Variants in ATP6V1C2 observed in about 807,000 individuals in gnomAD.
ATP6V1C2 encodes the protein ATPase H+ transporting V1 subunit C2, also known as V-type proton ATPase subunit C 2.
Under a neutral mutation model 56.8 loss-of-function variants are expected in ATP6V1C2, and 45 were observed. The ratio of observed to expected loss-of-function variants is 0.79; its 90% CI spans 0.62 to 1.02. The LOEUF (loss-of-function observed/expected upper bound fraction) is 1.02. Ranked by LOEUF, ATP6V1C2 falls within the 50% of genes least tolerant of loss-of-function variation. The pLI, the probability that ATP6V1C2 is intolerant of heterozygous loss-of-function variation, is 0.00. For missense variants in ATP6V1C2, 463 were observed against 519.7 expected (o/e 0.89, Z 1.06); for synonymous variants, 220 against 201.3 (o/e 1.09, Z -0.79).
chr2:10,759,313 G>A (rs746437782), intron 4 of ATP6V1C2, among the ~76,000 whole-genome samples: 6 of 152,232 alleles, frequency 3.9e-5, no homozygotes, highest in Non-Finnish European at 7.3e-5. Flanking sequence ...TGCAGCCACA[G>A]CTGGCAAACA....
chr2:10,760,172 A>G (rs1483470857), intron 4 of ATP6V1C2, among the ~76,000 whole-genome samples: 1 of 151,982 alleles, frequency 6.6e-6, no homozygotes, highest in Non-Finnish European at 1.5e-5. Flanking sequence ...CAGGAGTTCG[A>G]GACCAGCCTG....
chr2:10,724,465 C>T (rs2148401996), intron 2 of ATP6V1C2, among the ~76,000 whole-genome samples: 1 of 152,164 alleles, frequency 6.6e-6, no homozygotes, highest in East Asian at 1.9e-4. Flanking sequence ...TTAAGCCTGC[C>T]TCTGCTTGTC....
intron 3 of ATP6V1C2, among the ~76,000 whole-genome samples, chr2:10,738,940 C>A (rs189511366): frequency 6.6e-6 from 1 of 152,324 alleles, no homozygotes; most frequent in African/African-American, 2.4e-5. Context: ...GCACGTCCAT[C>A]GAAGCCACCT....
At chr2:10,762,797 G>A (rs1406545392) in intron 4 of ATP6V1C2, among the ~76,000 whole-genome samples, 5 of 151,970 alleles carry the variant, frequency 3.3e-5, no homozygotes, top group East Asian at 3.9e-4. Flanking sequence ...CCAGGCCTGC[G>A]TCATTGCCTT....
At chr2:10,734,023 G>A (rs569576148) in intron 3 of ATP6V1C2, among the ~76,000 whole-genome samples, 3 of 152,298 alleles carry the variant, frequency 2.0e-5, no homozygotes, top group Admixed American at 2.0e-4. Context: ...ATTGTAAAAA[G>A]CATATAGGCT....
chr2:10,760,252 C>T (rs1029860098), intron 4 of ATP6V1C2, among the ~76,000 whole-genome samples: 1 of 151,800 alleles, frequency 6.6e-6, no homozygotes, highest in African/African-American at 2.4e-5. Context: ...TGCCTGTAAT[C>T]CCAGCTACTT....
intron 10 of ATP6V1C2, 125 bp downstream of exon 10, chr2:10,775,196 GGGGACCGTCTGTTCTCAT>G: frequency 1.3e-6 from 1 of 752,686 alleles, no homozygotes; most frequent in Non-Finnish European, 2.3e-6. Flanking sequence ...CTCACACCAT[GGGGACCGTCTGTTCTCAT>G]GGGACGCCTG....
intron 4 of ATP6V1C2, among the ~76,000 whole-genome samples, chr2:10,760,748 G>A (rs1439993255): frequency 6.6e-6 from 1 of 152,212 alleles, no homozygotes; most frequent in Non-Finnish European, 1.5e-5. Context: ...GCAGGAAGTG[G>A]GTTCAGTCTT....
At chr2:10,776,664 C>A (rs964963398) in intron 10 of ATP6V1C2, among the ~76,000 whole-genome samples, 3 of 152,236 alleles carry the variant, frequency 2.0e-5, no homozygotes, top group Admixed American at 2.0e-4. Flanking sequence ...CTGGACGGGG[C>A]TAGACCGTGG....
intron 4 of ATP6V1C2, among the ~76,000 whole-genome samples, chr2:10,755,043 G>T (rs181258485): frequency 6.6e-6 from 1 of 151,778 alleles, no homozygotes; most frequent in Admixed American, 6.6e-5. Flanking sequence ...TTGAGACGGA[G>T]TTTTTCTCGT....
rs1184340997 is a variant in ATP6V1C2 at position 10,784,296 on chromosome 2, C to T, written c.*1033C>T. 1.2e-6 allele frequency: 2 copies of T among 1,613,576 alleles called. No individual in the cohort carries two copies. Among genetic ancestry groups the T allele is most frequent in the South Asian group, 1.1e-5 (1 of 90,964 alleles). Reference sequence around the variant, plus strand: ...TTCCCTAAGTCATCAAGCTCCACATCACTGAGGTCAATGTCATCCTCCACG... The same window carrying T: ...TTCCCTAAGTCATCAAGCTCCACATTACTGAGGTCAATGTCATCCTCCACG... On this transcript the variant is annotated 3_prime_UTR_variant, in exon 14 of 14. Transcript: ENST00000272238.
At chr2:10,726,920 T>C (rs546568009) in intron 3 of ATP6V1C2, among the ~76,000 whole-genome samples, 1 of 152,224 alleles carries the variant, frequency 6.6e-6, no homozygotes, top group Non-Finnish European at 1.5e-5. Flanking sequence ...AAATTTCAAC[T>C]ACAAAAAGAG....
chr2:10,764,455 C>T lies in ATP6V1C2; in HGVS notation c.378+30C>T, dbSNP rs201233033. 606 of 1,595,416 alleles carry T rather than the reference C, an allele frequency of 3.8e-4. 2 individuals are homozygous for T. In the African/African-American group the frequency reaches 7.4e-3, roughly 20 times the overall value. The stretch of plus-strand genomic sequence containing the variant: ...GAAAAGGGACTGCTCTGGGGAACAG[C>T]TGACTGGTGGGTCAGGCGGGCAAGA... On this transcript the variant is annotated intron_variant, in intron 5 of 13. Transcript: ENST00000272238.
intron 3 of ATP6V1C2, among the ~76,000 whole-genome samples, chr2:10,731,646 G>T (rs1378112025): frequency 6.6e-6 from 1 of 152,192 alleles, no homozygotes; most frequent in African/African-American, 2.4e-5. Context: ...AACCGCAGAA[G>T]GAGACTGGTC....
intron 4 of ATP6V1C2, among the ~76,000 whole-genome samples, chr2:10,757,018 T>G (rs1663596362): frequency 2.2e-5 from 3 of 137,810 alleles, no homozygotes; most frequent in Non-Finnish European, 1.6e-5. Flanking sequence ...TTTTTTTTTT[T>G]TTTTTTTTTT....
At chr2:10,766,516 CCT>C (rs564996249) in intron 5 of ATP6V1C2, among the ~76,000 whole-genome samples, 9 of 152,168 alleles carry the variant, frequency 5.9e-5, no homozygotes, top group Non-Finnish European at 1.0e-4. Flanking sequence ...CTCCCAAATA[CCT>C]CTCAGCAATT....
At chr2:10,755,913 C>T (rs1663529618) in intron 4 of ATP6V1C2, among the ~76,000 whole-genome samples, 1 of 152,164 alleles carries the variant, frequency 6.6e-6, no homozygotes, top group African/African-American at 2.4e-5. Context: ...GATGTTTTGG[C>T]CCATTAACTG....
intron 6 of ATP6V1C2, among the ~76,000 whole-genome samples, chr2:10,769,521 T>A (rs1025554924): frequency 6.6e-6 from 1 of 152,026 alleles, no homozygotes; most frequent in Non-Finnish European, 1.5e-5. Flanking sequence ...CTGGCCAACA[T>A]GGTGAAACCC....
chr2:10,780,107 C>T lies in ATP6V1C2; in HGVS notation c.1061+1438C>T, dbSNP rs1014234564. 1.3e-5 allele frequency among the ~76,000 whole-genome samples: 2 copies of T among 152,098 alleles called. No homozygotes were observed. Among genetic ancestry groups the T allele is most frequent in the African/African-American group, 2.4e-5 (1 of 41,418 alleles). On this transcript the variant is annotated intron_variant, in intron 12 of 13. Coordinates refer to ENST00000272238, the MANE Select transcript of ATP6V1C2 (RefSeq NM_001039362.2). The surrounding 1 kb of genome is among the most constrained non-coding windows in gnomAD (Gnocchi z 4.1). ...CTGGCTGATGTCCCCTACTTTCCCT[C>T]GTTTTCCTGCCCATGTTCCCTGGTT... is the stretch of plus-strand genomic sequence containing the variant.
Sources: allele counts gnomAD v4.1 joint callset (sites outside exome capture counted in the v4.1 genomes callset), GRCh38; gene constraint gnomAD v4.1.1; non-coding constraint Gnocchi (gnomAD v3.1); transcripts MANE v1.5; gene names NCBI Gene and HGNC (gene_info 2026-07-23, HGNC 2026-07-21).